Variants in ITGA8 observed in about 807,000 individuals in gnomAD.
The protein encoded by ITGA8 is integrin subunit alpha 8, also known as integrin alpha-8.
ITGA8 carries 91 observed loss-of-function variants against 142.3 expected under a neutral mutation model. The ratio of observed to expected loss-of-function variants is 0.64; its 90% CI spans 0.54 to 0.76. ITGA8 has a LOEUF of 0.76. Ranked by LOEUF, ITGA8 falls within the 30% of genes least tolerant of loss-of-function variation. The pLI, the probability that ITGA8 is intolerant of heterozygous loss-of-function variation, is 0.00. For synonymous variants in ITGA8, 505 were observed against 485.2 expected (o/e 1.04, Z -0.54); for missense variants, 1,406 against 1,327.7 (o/e 1.06, Z -0.92).
chr10:15,653,678 G>A (rs1163366786), intron 11 of ITGA8, among the ~76,000 whole-genome samples: 2 of 152,070 alleles, frequency 1.3e-5, no homozygotes, highest in Non-Finnish European at 2.9e-5. Flanking sequence ...CAGAACCCCT[G>A]GGAAACACTG....
intron 3 of ITGA8, among the ~76,000 whole-genome samples, chr10:15,685,714 T>C (rs1282663321): frequency 6.6e-6 from 1 of 152,198 alleles, no homozygotes; most frequent in Non-Finnish European, 1.5e-5. Context: ...TTTTTAGAAT[T>C]ACATTATGGT....
rs77944579 is a variant in ITGA8 at position 15,580,459 on chromosome 10, C to T, written c.2373-4865G>A. Among the ~76,000 whole-genome samples the T allele has an allele frequency of 3.9e-3, 590 of 152,212 alleles. 5 individuals are homozygous for T. Among genetic ancestry groups the T allele is most frequent in the African/African-American group, 0.014 (569 of 41,556 alleles). Reference sequence around the variant, plus strand: ...GCTAGCATTCACCTGATACCCAAATCAGAAAAAGATATTGCGAGAAAGGAA... The same window carrying T: ...GCTAGCATTCACCTGATACCCAAATTAGAAAAAGATATTGCGAGAAAGGAA... On this transcript the variant is annotated intron_variant, in intron 23 of 29. Coordinates refer to ENST00000378076, the MANE Select transcript of ITGA8 (RefSeq NM_003638.3).
intron 27 of ITGA8, among the ~76,000 whole-genome samples, chr10:15,535,630 A>T (rs1833414757): frequency 1.3e-5 from 2 of 151,960 alleles, no homozygotes; most frequent in African/African-American, 4.8e-5. Context: ...AGACGTGGAG[A>T]ACCTTTGTGA....
chr10:15,592,949 G>A (rs2131597417), intron 21 of ITGA8, among the ~76,000 whole-genome samples: 1 of 152,324 alleles, frequency 6.6e-6, no homozygotes. Context: ...TGTAGTCATT[G>A]AAATTATAGC....
intron 28 of ITGA8, among the ~76,000 whole-genome samples, chr10:15,530,375 GTC>G (rs1833263230): frequency 6.6e-6 from 1 of 151,840 alleles, no homozygotes; most frequent in Non-Finnish European, 1.5e-5. Flanking sequence ...GTGAAACCCT[GTC>G]TCTATGAAAA....
At chr10:15,681,341 G>T (rs1834733432) in intron 4 of ITGA8, among the ~76,000 whole-genome samples, 1 of 152,164 alleles carries the variant, frequency 6.6e-6, no homozygotes, top group South Asian at 2.1e-4. Flanking sequence ...GGAGGAAGAA[G>T]TACCCGTAGG....
chr10:15,674,522 CA>C lies in ITGA8; in HGVS notation c.677-1774del, dbSNP rs74966590. On this transcript the variant is annotated intron_variant, in intron 6 of 29. Coordinates refer to ENST00000378076, the MANE Select transcript of ITGA8 (RefSeq NM_003638.3). ...TTTAATTTTGTAGCCATCTGTTGTG[CA>C]AAATATATAGTTTTTCAGTTTGCAG... Among the ~76,000 whole-genome samples, 632 of 152,282 alleles carry C rather than the reference CA, an allele frequency of 4.2e-3. 13 individuals are homozygous for C. In the East Asian group the frequency reaches 0.043, roughly 10 times the overall value.
chr10:15,666,537 C>T (rs1249853836), intron 8 of ITGA8, among the ~76,000 whole-genome samples: 1 of 152,114 alleles, frequency 6.6e-6, no homozygotes, highest in Non-Finnish European at 1.5e-5. Flanking sequence ...TTGCCGTGGC[C>T]AGAACTTCCA....
chr10:15,697,604 G>A (rs1006134141), intron 2 of ITGA8, among the ~76,000 whole-genome samples: 1 of 152,196 alleles, frequency 6.6e-6, no homozygotes, highest in African/African-American at 2.4e-5. Flanking sequence ...ACTCAATTCT[G>A]CCCTGTAACA....
intron 2 of ITGA8, among the ~76,000 whole-genome samples, chr10:15,701,756 C>T (rs902419115): frequency 2.0e-5 from 3 of 152,324 alleles, no homozygotes. Context: ...GGTTTCCCTA[C>T]AACCTTCAGT....
At chr10:15,564,948 C>A (rs767089084) in intron 25 of ITGA8, among the ~76,000 whole-genome samples, 1 of 151,728 alleles carries the variant, frequency 6.6e-6, no homozygotes, top group Admixed American at 6.6e-5. Context: ...GAAAGAAAAC[C>A]CCCACTTTTT....
At chr10:15,553,363 CTTCA>C (rs1833827265) in intron 26 of ITGA8, among the ~76,000 whole-genome samples, 1 of 147,396 alleles carries the variant, frequency 6.8e-6, no homozygotes, top group South Asian at 2.2e-4. Context: ...ATAACAAATG[CTTCA>C]TTTGACTTAA....
At chr10:15,566,754 G>A (rs116252672) in intron 25 of ITGA8, among the ~76,000 whole-genome samples, 1,744 of 151,662 alleles carry the variant, frequency 0.011, 29 homozygotes, top group African/African-American at 0.04. Flanking sequence ...GGTTGTTGCA[G>A]TGAGCAGAGA....
intron 4 of ITGA8, among the ~76,000 whole-genome samples, chr10:15,681,211 A>G (rs1455978476): frequency 3.3e-5 from 5 of 152,204 alleles, no homozygotes; most frequent in Admixed American, 6.5e-5. Context: ...TTTGAAAATA[A>G]TATTGCTGAT....
chr10:15,719,009 T>G, intron 1 of ITGA8, 110 bp from the exon 2 acceptor site: 1 of 1,497,852 alleles, frequency 6.7e-7, no homozygotes, highest in East Asian at 2.3e-5. Flanking sequence ...GTGGAGGGCA[T>G]GAACGTATTT....
chr10:15,678,670 G>GT (rs1834678028), intron 5 of ITGA8, 52 bp downstream of exon 5: 1 of 1,269,266 alleles, frequency 7.9e-7, no homozygotes, highest in Non-Finnish European at 1.1e-6. Context: ...GAGGCAGAGG[G>GT]TAAAAAAAAA....
At chr10:15,579,323 G>A (rs547713450) in intron 23 of ITGA8, among the ~76,000 whole-genome samples, 2 of 152,112 alleles carry the variant, frequency 1.3e-5, no homozygotes, top group African/African-American at 2.4e-5. Flanking sequence ...TTGATTATTG[G>A]CAAAAGTGAA....
chr10:15,661,017 G>T (rs1439903993), intron 8 of ITGA8, 95 bp from the exon 9 acceptor site: 2 of 1,122,710 alleles, frequency 1.8e-6, no homozygotes, highest in East Asian at 4.7e-5. Flanking sequence ...GACAGTGCTT[G>T]TAAAATGAGT....
intron 8 of ITGA8, among the ~76,000 whole-genome samples, chr10:15,663,181 G>C (rs910707327): frequency 1.3e-5 from 2 of 152,078 alleles, no homozygotes; most frequent in Non-Finnish European, 2.9e-5. Flanking sequence ...AGTAAATCAT[G>C]AACATGCACA....
Sources: gnomAD v4.1 joint callset for allele counts (sites outside exome capture counted in the v4.1 genomes callset) on GRCh38, gnomAD v4.1.1 for gene constraint, MANE v1.5 for transcripts, NCBI Gene and HGNC (gene_info 2026-07-23, HGNC 2026-07-21) for gene names.